Variants in ELAVL2 observed in about 807,000 individuals in gnomAD.
ELAVL2 encodes ELAV like RNA binding protein 2.
Under a neutral mutation model 34.6 loss-of-function variants are expected in ELAVL2, and 4 were observed. The observed-to-expected ratio is 0.12, with a 90% CI of 0.06 to 0.26. The LOEUF (loss-of-function observed/expected upper bound fraction) is 0.26. Among genes scored for constraint, ELAVL2 ranks in the 10% least tolerant of loss-of-function variants. The probability of loss-of-function intolerance (pLI) is 1.00; values close to 1 mark genes in which losing one functional copy is unlikely to be tolerated. For synonymous variants in ELAVL2, 193 were observed against 154.8 expected, an observed-to-expected ratio of 1.25 and a Z score of -1.83; for missense variants, 432 against 442.8, an observed-to-expected ratio of 0.98 and a Z score of 0.22.
At chr9:23,733,753 G>A (rs1244476884) in intron 2 of ELAVL2, among the ~76,000 whole-genome samples, 1 of 152,138 alleles carries the variant, frequency 6.6e-6, no homozygotes. Context: ...CTGGCCTGCT[G>A]TAGGCATGGA....
chr9:23,700,572 C>CCACCTGTTG (rs1245990061), intron 5 of ELAVL2, among the ~76,000 whole-genome samples: 1 of 152,130 alleles, frequency 6.6e-6, no homozygotes, highest in Non-Finnish European at 1.5e-5. Flanking sequence ...AGACTGCCTC[C>CCACCTGTTG]CACCTGTTGC....
the ELAVL2 span, chr9:23,831,338 C>G: frequency 1.3e-5 from 2 of 152,486 alleles, no homozygotes; most frequent in East Asian, 3.9e-4. Flanking sequence ...CCCCCTCTCA[C>G]TCTCCTGGCC....
intron 1 of ELAVL2, among the ~76,000 whole-genome samples, chr9:23,788,082 T>C (rs967165283): frequency 2.0e-5 from 3 of 152,182 alleles, no homozygotes; most frequent in African/African-American, 4.8e-5. Context: ...TTTAAGACTG[T>C]AGGTAAGAAG....
At chr9:23,751,670 A>C (rs2135583592) in intron 2 of ELAVL2, among the ~76,000 whole-genome samples, 1 of 152,294 alleles carries the variant, frequency 6.6e-6, no homozygotes, top group South Asian at 2.1e-4. Context: ...ATAAAAGTAA[A>C]AATAAGCCGC....
chr9:23,718,495 T>C (rs879814501), intron 3 of ELAVL2, among the ~76,000 whole-genome samples: 1 of 152,132 alleles, frequency 6.6e-6, no homozygotes, highest in Non-Finnish European at 1.5e-5. Context: ...TTTAAAAATT[T>C]AAAAAGCAGT....
At chr9:23,734,755 T>G (rs1224635069) in intron 2 of ELAVL2, among the ~76,000 whole-genome samples, 2 of 152,138 alleles carry the variant, frequency 1.3e-5, no homozygotes, top group East Asian at 3.9e-4. Flanking sequence ...ATTTATATAG[T>G]GCATATTTCT....
chr9:23,768,098 G>A (rs2056654945), intron 1 of ELAVL2, among the ~76,000 whole-genome samples: 1 of 152,098 alleles, frequency 6.6e-6, no homozygotes, highest in African/African-American at 2.4e-5. Context: ...ATGTTCCCAG[G>A]TAGACTTTCT....
intron 2 of ELAVL2, among the ~76,000 whole-genome samples, chr9:23,735,878 A>G (rs2047768419): frequency 6.6e-6 from 1 of 152,174 alleles, no homozygotes; most frequent in Non-Finnish European, 1.5e-5. Context: ...CAGGGTTCAG[A>G]GCAAGGAGAG....
intron 3 of ELAVL2, among the ~76,000 whole-genome samples, chr9:23,730,584 C>T (rs1587824223): frequency 6.6e-6 from 1 of 152,118 alleles, no homozygotes; most frequent in Non-Finnish European, 1.5e-5. Flanking sequence ...ATAACGGCTG[C>T]ATCCATTTGT....
chr9:23,799,016 G>C (rs925872974), intron 1 of ELAVL2, among the ~76,000 whole-genome samples: 1 of 152,034 alleles, frequency 6.6e-6, no homozygotes, highest in Non-Finnish European at 1.5e-5. Context: ...CCCAGGTGGT[G>C]GTCATGTAAA....
intron 1 of ELAVL2, among the ~76,000 whole-genome samples, chr9:23,809,853 TA>T (rs1236752024): frequency 6.6e-6 from 1 of 152,140 alleles, no homozygotes; most frequent in Non-Finnish European, 1.5e-5. Context: ...GGAGAAACAG[TA>T]AAGTTGGAGA....
intron 3 of ELAVL2, among the ~76,000 whole-genome samples, chr9:23,730,043 C>G (rs1009676304): frequency 6.6e-6 from 1 of 151,984 alleles, no homozygotes; most frequent in Non-Finnish European, 1.5e-5. Flanking sequence ...TAGAAGTTGT[C>G]TGGAACACTA....
intron 1 of ELAVL2, among the ~76,000 whole-genome samples, chr9:23,815,613 C>G (rs1363836006): frequency 1.3e-5 from 2 of 152,126 alleles, no homozygotes; most frequent in Non-Finnish European, 2.9e-5. Flanking sequence ...TCAATATGCT[C>G]ATCTTTACGT....
intron 5 of ELAVL2, among the ~76,000 whole-genome samples, chr9:23,698,996 C>T (rs976293342): frequency 2.6e-5 from 4 of 152,322 alleles, no homozygotes; most frequent in African/African-American, 9.6e-5. Flanking sequence ...AACAATTTCT[C>T]CCATTTTCTG....
intron 2 of ELAVL2, among the ~76,000 whole-genome samples, chr9:23,758,463 T>C (rs184982381): frequency 1.1e-4 from 16 of 152,236 alleles, no homozygotes; most frequent in East Asian, 3.9e-4. Flanking sequence ...TTTTAACCCA[T>C]ATTACAAATA....
rs186556089 is a variant in ELAVL2, at chr9:23,714,223, A to G, written c.334-9152T>C. Among the ~76,000 whole-genome samples the G allele has an allele frequency of 1.6e-3, 241 of 152,286 alleles. 1 individual carries two copies. The highest frequency in any genetic ancestry group is 5.7e-3 in the African/African-American group (237 of 41,560). ...TATGCAGCATCATCATCCCCAATTT[A>G]TGGAACAAAAACTCAAGGAATACTA... On this transcript the variant is annotated intron_variant, in intron 3 of 6. Coordinates refer to ENST00000397312, the MANE Select transcript of ELAVL2 (RefSeq NM_004432.5).
At chr9:23,704,869 C>T in intron 4 of ELAVL2, 49 bp downstream of exon 4, 1 of 1,603,062 alleles carries the variant, frequency 6.2e-7, no homozygotes, top group African/African-American at 1.3e-5. Flanking sequence ...ATTTCACAAT[C>T]TGCTAGTCAG....
At chr9:23,779,055 G>A (rs1299936481) in intron 1 of ELAVL2, among the ~76,000 whole-genome samples, 1 of 152,182 alleles carries the variant, frequency 6.6e-6, no homozygotes, top group South Asian at 2.1e-4. Context: ...ATGAGGCAGT[G>A]AGTAGGGCAG....
the ELAVL2 span, among the ~76,000 whole-genome samples, chr9:23,839,452 C>A: frequency 6.6e-6 from 1 of 152,058 alleles, no homozygotes; most frequent in South Asian, 2.1e-4. Context: ...ATTAAAAAAC[C>A]ATTTTTGGTG....
Sources: allele counts gnomAD v4.1 joint callset (sites outside exome capture counted in the v4.1 genomes callset), GRCh38; gene constraint gnomAD v4.1.1; transcripts MANE v1.5; gene names NCBI Gene and HGNC (gene_info 2026-07-23, HGNC 2026-07-21).